The following CD36 variants were observed in gnomAD, a reference collection of about 807,000 sequenced individuals.
CD36 encodes the protein CD36 molecule (CD36 blood group).
A neutral mutation model predicts 55.2 loss-of-function variants in CD36; 119 were observed. The observed-to-expected ratio is 2.15, with a 90% CI of 1.86 to 2.51. The LOEUF (loss-of-function observed/expected upper bound fraction) is 2.51. Ranked by LOEUF, CD36 falls within the 30% of genes most tolerant of loss-of-function variation. The pLI is 0.00. For missense variants in CD36, 819 were observed against 555.5 expected (o/e 1.47, Z -4.77); for synonymous variants, 186 against 193.6 (o/e 0.96, Z 0.33).
At position 80,677,817 on chromosome 7, in the gene CD36, T is replaced by C. The variant is rs77294759; in HGVS notation, c.*1434T>C. 1.3e-5 allele frequency: 2 copies of C among 152,162 alleles called. No individual in the cohort carries two copies. The highest frequency in any genetic ancestry group is 4.8e-5 in the African/African-American group (2 of 41,420). 9.4% of individuals were successfully genotyped at this position (152,162 alleles called of 1,614,324 possible). On this transcript the variant is annotated 3_prime_UTR_variant, in exon 15 of 15. Coordinates refer to ENST00000447544, the MANE Select transcript of CD36 (RefSeq NM_001001548.3). The stretch of plus-strand genomic sequence containing the variant: ...AGAATATACATATTGACCTGTATAT[T>C]ATGACTAATCATGACTCAGATCTTA...
At chr7:80,647,895 T>C (rs1406356983) in intron 3 of CD36, among the ~76,000 whole-genome samples, 1 of 152,144 alleles carries the variant, frequency 6.6e-6, no homozygotes, top group Non-Finnish European at 1.5e-5. Context: ...TTAGTAAGCA[T>C]AGTGCACGAT....
intron 1 of CD36, among the ~76,000 whole-genome samples, chr7:80,608,021 C>T (rs528059565): frequency 9.5e-4 from 145 of 152,176 alleles, no homozygotes; most frequent in Non-Finnish European, 1.8e-3. Context: ...CCGCCCGCCT[C>T]GGCCTCTCAA....
Position 80,663,189 on chromosome 7 carries a change from G to A in CD36, c.609+20G>A. The A allele has an allele frequency of 6.3e-7, 1 of 1,581,164 alleles. No individual in the cohort carries two copies. Among genetic ancestry groups the A allele is most frequent in the South Asian group, 1.1e-5 (1 of 90,388 alleles). On this transcript the variant is annotated intron_variant, in intron 6 of 14. Transcript: ENST00000447544. ...TATCCTGTAAGTACCAAATATGAAT[G>A]GCAATATTATTACATTTTAATTTAA... is the stretch of plus-strand genomic sequence containing the variant.
At chr7:80,604,878 G>A (rs978560637) in intron 1 of CD36, among the ~76,000 whole-genome samples, 6 of 151,424 alleles carry the variant, frequency 4.0e-5, no homozygotes, top group African/African-American at 1.5e-4. Flanking sequence ...CATGTTTTAC[G>A]ACCATGACTT....
At chr7:80,633,897 ATAAT>A (rs1217262045), upstream of CD36, among the ~76,000 whole-genome samples, 2 of 152,184 alleles carry the variant, frequency 1.3e-5, no homozygotes, top group African/African-American at 2.4e-5. Flanking sequence ...TTAATCTAAA[ATAAT>A]TCTGTTGATT....
intron 3 of CD36, among the ~76,000 whole-genome samples, chr7:80,656,040 T>A (rs1796029304): frequency 6.6e-6 from 1 of 152,098 alleles, no homozygotes; most frequent in Non-Finnish European, 1.5e-5. Context: ...CTTAATGTAG[T>A]GAGTGTTAAG....
At chr7:80,653,003 A>G (rs560381683) in intron 3 of CD36, among the ~76,000 whole-genome samples, 1 of 152,312 alleles carries the variant, frequency 6.6e-6, no homozygotes, top group South Asian at 2.1e-4. Context: ...ATCTAACATT[A>G]CTGTTATAAT....
At chr7:80,670,361 C>T (rs1487089251) in intron 9 of CD36, 7 of 322,640 alleles carry the variant, frequency 2.2e-5, no homozygotes, top group Non-Finnish European at 4.1e-5. Context: ...TTGTGGGGCC[C>T]AGTAGATAAC....
chr7:80,611,693 C>T (rs564065380), intron 1 of CD36, among the ~76,000 whole-genome samples: 3 of 151,938 alleles, frequency 2.0e-5, no homozygotes, highest in African/African-American at 7.3e-5. Context: ...TGGGGAGGGT[C>T]GAGGAGGTGA....
At chr7:80,647,087 C>T (rs1795224328) in intron 3 of CD36, 1 of 471,374 alleles carries the variant, frequency 2.1e-6, no homozygotes, top group Admixed American at 3.3e-5. Flanking sequence ...ATATAAATAC[C>T]AAATTCTATT....
At chr7:80,642,028 A>G (rs1305748516) in intron 1 of CD36, among the ~76,000 whole-genome samples, 2 of 152,134 alleles carry the variant, frequency 1.3e-5, no homozygotes, top group Non-Finnish European at 2.9e-5. Flanking sequence ...TACAAAAGGA[A>G]TAGGATTTAT....
upstream of CD36, among the ~76,000 whole-genome samples, chr7:80,635,458 A>G (rs1041928755): frequency 2.6e-5 from 4 of 152,036 alleles, no homozygotes; most frequent in Non-Finnish European, 4.4e-5. Flanking sequence ...TATTTTTAGT[A>G]GAGAGGAGGT....
intron 1 of CD36, among the ~76,000 whole-genome samples, chr7:80,623,257 A>G (rs1465055746): frequency 6.6e-6 from 1 of 152,192 alleles, no homozygotes; most frequent in Non-Finnish European, 1.5e-5. Flanking sequence ...TAGACTAAAA[A>G]TACCAAACTC....
chr7:80,603,248 C>A lies in CD36; in HGVS notation c.-184+869C>A, dbSNP rs148369563. On this transcript the variant is annotated intron_variant, in intron 1 of 13. Transcript: ENST00000309881. ...TAAGGTTGATACAAAAAAAGAAAAG[C>A]AGTTCCTTCTGTTTCTCCATGCTAT... Among the ~76,000 whole-genome samples, 596 of 152,184 alleles carry A rather than the reference C, an allele frequency of 3.9e-3. 5 individuals are homozygous for A. Among genetic ancestry groups the A allele is most frequent in the African/African-American group, 0.014 (561 of 41,548 alleles).
chr7:80,624,549 A>G (rs967271457), intron 1 of CD36, among the ~76,000 whole-genome samples: 7 of 152,150 alleles, frequency 4.6e-5, no homozygotes, highest in Non-Finnish European at 1.0e-4. Context: ...ACATGCTTAT[A>G]TGCATGCAAC....
chr7:80,656,722 T>C (rs780072500), intron 4 of CD36, 22 bp downstream of exon 4: 6 of 1,602,634 alleles, frequency 3.7e-6, no homozygotes, highest in African/African-American at 1.3e-5. Context: ...CCCACAAATA[T>C]GAGACACTCT....
upstream of CD36, among the ~76,000 whole-genome samples, chr7:80,633,708 C>A (rs1403499803): frequency 1.3e-5 from 2 of 151,916 alleles, no homozygotes; most frequent in South Asian, 2.1e-4. Context: ...GAAAAATGTT[C>A]ATCTATTATA....
At chr7:80,645,195 T>C (rs1412427262) in intron 1 of CD36, among the ~76,000 whole-genome samples, 1 of 151,602 alleles carries the variant, frequency 6.6e-6, no homozygotes, top group African/African-American at 2.4e-5. Flanking sequence ...TAACTTTGTA[T>C]GTTTAGTAGA....
chr7:80,646,752 C>A lies in CD36; in HGVS notation c.12C>A (p.Asp4Glu). 1.9e-6 allele frequency: 3 copies of A among 1,613,940 alleles called. No individual in the cohort carries two copies. Among genetic ancestry groups the A allele is most frequent in the Non-Finnish European group, 2.5e-6 (3 of 1,179,922 alleles). Reference sequence around the variant, plus strand: ...CCTGAACAAGAAAAATGGGCTGTGACCGGAACTGTGGGCTCATCGCTGGGG... The same window carrying A: ...CCTGAACAAGAAAAATGGGCTGTGAACGGAACTGTGGGCTCATCGCTGGGG... MGC[D>E]RNCGLIAGAV... Residue 4 changes from aspartate (D) to glutamate (E), a missense_variant, in exon 3 of 15, where the codon GAC becomes GAA. By Grantham distance (45) the Asp-to-Glu change is conservative. Coordinates refer to ENST00000447544, the MANE Select transcript of CD36 (RefSeq NM_001001548.3).
Sources: gnomAD v4.1 joint callset for allele counts (sites outside exome capture counted in the v4.1 genomes callset) on GRCh38, gnomAD v4.1.1 for gene constraint, MANE v1.5 for transcripts, NCBI Gene and HGNC (gene_info 2026-07-23, HGNC 2026-07-21) for gene names.